LTA4H: variants seen among roughly 807,000 people sequenced by gnomAD.
LTA4H encodes leukotriene A4 hydrolase, also known as leukotriene A-4 hydrolase.
Under a neutral mutation model 89.8 loss-of-function variants are expected in LTA4H, and 59 were observed. The ratio of observed to expected loss-of-function variants is 0.66; its 90% CI spans 0.53 to 0.82. LTA4H has a LOEUF of 0.82. LTA4H is among the 40% of genes least tolerant of loss of function. The probability of loss-of-function intolerance (pLI) is 0.00; values close to 1 mark genes in which losing one functional copy is unlikely to be tolerated. For synonymous variants in LTA4H, 227 were observed against 253.1 expected (o/e 0.90, Z 0.98); for missense variants, 617 against 727.0 (o/e 0.85, Z 1.74).
At chr12:96,010,272 T>G (rs1950277796) in intron 14 of LTA4H, 1 of 152,190 alleles carries the variant, frequency 6.6e-6, no homozygotes, top group Non-Finnish European at 1.5e-5. Flanking sequence ...TGGCAAAGTC[T>G]TCAGAAAAGT....
chr12:96,038,378 A>G (rs1212699811), upstream of LTA4H, among the ~76,000 whole-genome samples: 4 of 152,174 alleles, frequency 2.6e-5, no homozygotes, highest in East Asian at 1.9e-4. Context: ...AGAATTTGTC[A>G]TCAACATTTG....
In LTA4H at chr12:96,013,819, C is replaced by T. The variant is rs759750228; in HGVS notation, c.1239G>A (p.Glu413=). The change falls in exon 13 of 19, where the codon GAG becomes GAA. Residue 413 remains glutamate (E), a synonymous_variant. Coordinates refer to ENST00000228740, the MANE Select transcript of LTA4H (RefSeq NM_000895.3). ...IFLGFLKAYV[E]KFSYKSITTD... is the part of the protein sequence containing the mutation. Reference sequence around the variant, plus strand: ...TAGTTATGCTCTTATAGGAAAACTTCTCAACATAAGCTTTTAAGAATCCTA... The same window carrying T: ...TAGTTATGCTCTTATAGGAAAACTTTTCAACATAAGCTTTTAAGAATCCTA... 6.4e-7 allele frequency: 1 copy of T among 1,573,144 alleles called. No homozygotes were observed.
At chr12:96,039,984 A>G (rs1282662824), upstream of LTA4H, among the ~76,000 whole-genome samples, 1 of 152,220 alleles carries the variant, frequency 6.6e-6, no homozygotes, top group Non-Finnish European at 1.5e-5. Flanking sequence ...TGTTAAGAGG[A>G]GACTAAGGCC....
chr12:96,032,544 A>T (rs1257409962), intron 1 of LTA4H, among the ~76,000 whole-genome samples: 1 of 152,204 alleles, frequency 6.6e-6, no homozygotes, highest in African/African-American at 2.4e-5. Context: ...AGAGTCCACA[A>T]TCTAGTGGAG....
Position 96,022,739 on chromosome 12 carries a change from G to C in LTA4H, c.481-488C>G, listed in dbSNP as rs1449086110. Among the ~76,000 whole-genome samples the C allele has an allele frequency of 6.6e-6, 1 of 152,056 alleles. No homozygotes were observed. Among genetic ancestry groups the C allele is most frequent in the African/African-American group, 2.4e-5 (1 of 41,390 alleles). On this transcript the variant is annotated intron_variant, in intron 4 of 18. Coordinates refer to ENST00000228740, the MANE Select transcript of LTA4H (RefSeq NM_000895.3). The surrounding 1 kb of genome is among the most constrained non-coding windows in gnomAD (Gnocchi z 4.0). ...CATCAAGTAAGTGTAAAACTTCAAA[G>C]GCTTGCTGCAAGGAATAAATAATAT...
At position 96,020,173 on chromosome 12, in the gene LTA4H, G is replaced by C. The variant is rs764785972; in HGVS notation, c.638+912C>G. ...TCCCACTTTGGCCTCCCAAAGTGAC[G>C]GGATTACAGGCATGAGCCACAGAGC... is the stretch of plus-strand genomic sequence containing the variant. On this transcript the variant is annotated intron_variant, in intron 6 of 18. Transcript: ENST00000228740. Among the ~76,000 whole-genome samples the C allele has an allele frequency of 7.9e-5, 12 of 152,246 alleles. No individual in the cohort carries two copies. The South Asian group carries it at 2.1e-3, about 26-fold the overall frequency.
At chr12:96,016,329 G>A (rs1950374150) in intron 10 of LTA4H, among the ~76,000 whole-genome samples, 2 of 148,392 alleles carry the variant, frequency 1.3e-5, no homozygotes, top group Admixed American at 1.3e-4. Context: ...AATCCTTGTT[G>A]GCTGGGCGTG....
intron 11 of LTA4H, 78 bp downstream of exon 11, chr12:96,015,505 A>C (rs1950361772): frequency 2.0e-5 from 20 of 1,013,830 alleles, no homozygotes; most frequent in Non-Finnish European, 6.1e-6. Context: ...CTACACAGTA[A>C]AGACGCTTTT....
chr12:96,029,281 A>C, intron 1 of LTA4H, 96 bp from the exon 2 acceptor site: 1 of 577,318 alleles, frequency 1.7e-6, no homozygotes, highest in South Asian at 3.3e-5. Context: ...GCTTATGGAG[A>C]GTAAAATACA....
At chr12:96,033,379 G>C (rs1179851710) in intron 1 of LTA4H, among the ~76,000 whole-genome samples, 1 of 152,160 alleles carries the variant, frequency 6.6e-6, no homozygotes, top group Non-Finnish European at 1.5e-5. Context: ...GGAAGAATTT[G>C]CTGTTCATAT....
intron 1 of LTA4H, among the ~76,000 whole-genome samples, chr12:96,035,000 G>A (rs74457637): frequency 2.0e-5 from 3 of 152,132 alleles, no homozygotes; most frequent in African/African-American, 7.2e-5. Flanking sequence ...AAAATTATGG[G>A]GGCTACTGCA....
intron 3 of LTA4H, among the ~76,000 whole-genome samples, chr12:96,024,762 G>A (rs981020661): frequency 1.8e-4 from 27 of 151,138 alleles, no homozygotes; most frequent in Non-Finnish European, 3.2e-4. Context: ...TCCACCTCCC[G>A]GGTTCAAGCA....
chr12:96,000,785 T>G lies in LTA4H; in HGVS notation c.*204A>C, dbSNP rs1950086005. ...AATTCAAAATTTTTTAATTTGTAAATCAAAAGATTAAACCTTGTTAAAATT... is the reference window on the plus strand; with the variant it reads ...AATTCAAAATTTTTTAATTTGTAAAGCAAAAGATTAAACCTTGTTAAAATT... On this transcript the variant is annotated 3_prime_UTR_variant, in exon 19 of 19. Coordinates refer to ENST00000228740, the MANE Select transcript of LTA4H (RefSeq NM_000895.3). 2.5e-6 allele frequency: 1 copy of G among 394,636 alleles called. No individual in the cohort carries two copies. Among genetic ancestry groups the G allele is most frequent in the African/African-American group, 2.0e-5 (1 of 49,370 alleles). 24.4% of individuals were successfully genotyped at this position (394,636 alleles called of 1,614,324 possible).
At chr12:96,001,801 A>C (rs1301842500) in intron 18 of LTA4H, among the ~76,000 whole-genome samples, 1 of 152,150 alleles carries the variant, frequency 6.6e-6, no homozygotes, top group African/African-American at 2.4e-5. Flanking sequence ...AAACATCATA[A>C]AACAGAAATA....
chr12:96,030,000 C>T (rs995941852), intron 1 of LTA4H, among the ~76,000 whole-genome samples: 1 of 152,040 alleles, frequency 6.6e-6, no homozygotes, highest in African/African-American at 2.4e-5. Flanking sequence ...ACTACTTCTA[C>T]TTCTTCATTA....
intron 6 of LTA4H, among the ~76,000 whole-genome samples, chr12:96,019,900 T>G (rs1182433963): frequency 1.2e-5 from 1 of 84,652 alleles, no homozygotes; most frequent in Non-Finnish European, 3.0e-5. Context: ...ACGCCCAGCG[T>G]TTTTTTTTTT....
At chr12:96,027,036 A>G (rs1426860528) in intron 3 of LTA4H, among the ~76,000 whole-genome samples, 1 of 152,194 alleles carries the variant, frequency 6.6e-6, no homozygotes. Context: ...ACCTCTGGGC[A>G]ATGGTGTCTG....
chr12:96,041,918 G>A (rs1950689600), intron 1 of LTA4H, among the ~76,000 whole-genome samples: 1 of 151,842 alleles, frequency 6.6e-6, no homozygotes, highest in South Asian at 2.1e-4. Context: ...TGGGATTACA[G>A]GCGTGAGCCA....
chr12:96,010,057 G>A (rs553580896), intron 14 of LTA4H: 2 of 152,294 alleles, frequency 1.3e-5, no homozygotes, highest in Non-Finnish European at 2.9e-5. Flanking sequence ...ATGCCATTTT[G>A]TCTTCAAGAA....
Sources: allele counts gnomAD v4.1 joint callset (sites outside exome capture counted in the v4.1 genomes callset), GRCh38; gene constraint gnomAD v4.1.1; non-coding constraint Gnocchi (gnomAD v3.1); transcripts MANE v1.5; gene names NCBI Gene and HGNC (gene_info 2026-07-23, HGNC 2026-07-21).